The following ANKS1B variants were observed in gnomAD, a reference collection of about 807,000 sequenced individuals.
ANKS1B encodes ankyrin repeat and sterile alpha motif domain containing 1B.
A neutral mutation model predicts 148.3 loss-of-function variants in ANKS1B; 36 were observed. The ratio of observed to expected loss-of-function variants is 0.24; its 90% confidence interval spans 0.19 to 0.32. The LOEUF is 0.32. ANKS1B is among the 10% of genes least tolerant of loss of function. The pLI is 1.00. For synonymous variants in ANKS1B, 542 were observed against 560.8 expected, an observed-to-expected ratio of 0.97 and a Z score of 0.47; for missense variants, 1,157 against 1,542.6, an observed-to-expected ratio of 0.75 and a Z score of 4.19.
At chr12:99,277,753 G>A (rs1040038446) in intron 12 of ANKS1B, among the ~76,000 whole-genome samples, 1 of 152,128 alleles carries the variant, frequency 6.6e-6, no homozygotes, top group Non-Finnish European at 1.5e-5. Context: ...TGAGTCTTAA[G>A]GGAACTCAGA....
chr12:99,740,933 G>C (rs2060038442), intron 8 of ANKS1B, among the ~76,000 whole-genome samples: 1 of 152,082 alleles, frequency 6.6e-6, no homozygotes, highest in South Asian at 2.1e-4. Flanking sequence ...TAGTGCCTAT[G>C]CCACCAGGGC....
chr12:99,841,940 G>A (rs1188480038), intron 1 of ANKS1B, among the ~76,000 whole-genome samples: 2 of 151,894 alleles, frequency 1.3e-5, no homozygotes, highest in Non-Finnish European at 2.9e-5. Flanking sequence ...TTTATCAAAT[G>A]TCTATTGGAT....
At chr12:99,876,692 T>C (rs2092087843) in intron 1 of ANKS1B, among the ~76,000 whole-genome samples, 1 of 149,842 alleles carries the variant, frequency 6.7e-6, no homozygotes, top group South Asian at 2.1e-4. Context: ...ATCATGCCAC[T>C]ACATTCCAGA....
chr12:98,940,100 C>T (rs1277408174), intron 17 of ANKS1B, among the ~76,000 whole-genome samples: 3 of 152,168 alleles, frequency 2.0e-5, no homozygotes, highest in Non-Finnish European at 2.9e-5. Context: ...CCACTGTGAA[C>T]GGGCCTGCAG....
At chr12:99,524,610 T>C (rs2096908241) in intron 9 of ANKS1B, among the ~76,000 whole-genome samples, 1 of 152,134 alleles carries the variant, frequency 6.6e-6, no homozygotes. Flanking sequence ...ATGCCGCTCA[T>C]AAAGACATAC....
At position 99,645,365 on chromosome 12, in the gene ANKS1B, C is replaced by T. The variant is rs147301724; in HGVS notation, c.1272+9702G>A. On this transcript the variant is annotated intron_variant, in intron 9 of 26. Coordinates refer to ENST00000683438, the MANE Select transcript of ANKS1B (RefSeq NM_001352186.2). ...CAGAGCAGTTATACGAATAATATCT[C>T]GATTCATTGTTATGGTTCAGAGTAT... Among the ~76,000 whole-genome samples, 49 of 152,198 alleles carry T rather than the reference C, an allele frequency of 3.2e-4. No homozygotes were observed. The East Asian group carries it at 8.9e-3, about 28-fold the overall frequency.
At chr12:99,100,165 G>C (rs569475037) in intron 15 of ANKS1B, among the ~76,000 whole-genome samples, 1 of 152,220 alleles carries the variant, frequency 6.6e-6, no homozygotes, top group African/African-American at 2.4e-5. Flanking sequence ...CCATTCCCTT[G>C]GAAACTACTG....
chr12:99,514,058 C>T (rs2096792238), intron 9 of ANKS1B, among the ~76,000 whole-genome samples: 1 of 151,914 alleles, frequency 6.6e-6, no homozygotes, highest in Non-Finnish European at 1.5e-5. Context: ...ATAGTAAATT[C>T]ATTTAATTAA....
At chr12:99,472,927 A>T (rs1159832872) in intron 10 of ANKS1B, among the ~76,000 whole-genome samples, 1 of 152,102 alleles carries the variant, frequency 6.6e-6, no homozygotes, top group Non-Finnish European at 1.5e-5. Flanking sequence ...TTAATTTTTT[A>T]AAATATTTTT....
chr12:99,277,659 G>A (rs189370069), intron 12 of ANKS1B, among the ~76,000 whole-genome samples: 1 of 152,256 alleles, frequency 6.6e-6, no homozygotes, highest in East Asian at 1.9e-4. Context: ...CAGTAGTTTG[G>A]GAAGCAAAAC....
At chr12:99,260,493 G>A (rs2075808222) in intron 12 of ANKS1B, among the ~76,000 whole-genome samples, 1 of 152,122 alleles carries the variant, frequency 6.6e-6, no homozygotes, top group Non-Finnish European at 1.5e-5. Context: ...CAAAAGAGCA[G>A]GAGAGTTATC....
chr12:99,273,350 G>T (rs952022291), intron 12 of ANKS1B, among the ~76,000 whole-genome samples: 3 of 152,028 alleles, frequency 2.0e-5, no homozygotes, highest in Admixed American at 6.6e-5. Flanking sequence ...AACATTGTGG[G>T]ATTTGTGTTT....
chr12:98,979,251 T>C (rs1339614580), intron 17 of ANKS1B, among the ~76,000 whole-genome samples: 1 of 151,554 alleles, frequency 6.6e-6, no homozygotes, highest in Non-Finnish European at 1.5e-5. Context: ...TTATGTGGTA[T>C]CATTTTCTAT....
At chr12:99,816,282 T>C (rs941702985) in intron 2 of ANKS1B, among the ~76,000 whole-genome samples, 20 of 151,962 alleles carry the variant, frequency 1.3e-4, no homozygotes, top group African/African-American at 4.8e-4. Flanking sequence ...GCTGTCTGCA[T>C]ATCTTCTTTT....
chr12:99,507,760 AAG>A (rs1422480932), intron 9 of ANKS1B, among the ~76,000 whole-genome samples: 10 of 151,872 alleles, frequency 6.6e-5, no homozygotes, highest in Admixed American at 6.6e-4. Context: ...AATGTCAAGA[AAG>A]AGAGATAGTT....
chr12:99,580,166 A>G lies in ANKS1B; in HGVS notation c.1272+74901T>C, dbSNP rs112579912. Among the ~76,000 whole-genome samples, 1,493 of 152,212 alleles carry G rather than the reference A, an allele frequency of 9.8e-3. 31 individuals are homozygous for G. The highest frequency in any genetic ancestry group is 0.034 in the African/African-American group (1,411 of 41,532). On this transcript the variant is annotated intron_variant, in intron 9 of 26. Transcript: ENST00000683438. ...AAACACTGAGTACACATAGACACAA[A>G]GCAGGGAACAAACACTGGGGCCTAC...
intron 12 of ANKS1B, among the ~76,000 whole-genome samples, chr12:99,274,461 T>C (rs150738129): frequency 1.3e-5 from 2 of 152,294 alleles, no homozygotes; most frequent in East Asian, 3.9e-4. Flanking sequence ...ACCAACAGAA[T>C]TGCCAGACAT....
chr12:99,969,792 G>A (rs2095536214), intron 1 of ANKS1B, among the ~76,000 whole-genome samples: 1 of 152,144 alleles, frequency 6.6e-6, no homozygotes, highest in Non-Finnish European at 1.5e-5. Flanking sequence ...AAGCAATACA[G>A]CACAATTGAA....
At chr12:99,788,662 G>A (rs192542252) in intron 4 of ANKS1B, among the ~76,000 whole-genome samples, 14 of 152,234 alleles carry the variant, frequency 9.2e-5, no homozygotes, top group Admixed American at 2.6e-4. Context: ...GCAGGCACAC[G>A]GGGTCTCTGC....
Sources: gnomAD v4.1 joint callset for allele counts (sites outside exome capture counted in the v4.1 genomes callset) on GRCh38, gnomAD v4.1.1 for gene constraint, MANE v1.5 for transcripts, NCBI Gene and HGNC (gene_info 2026-07-23, HGNC 2026-07-21) for gene names.